GMNC: variants seen among roughly 807,000 people sequenced by gnomAD.
GMNC encodes geminin coiled-coil domain-containing protein 1.
GMNC carries 16 observed loss-of-function variants against 33.6 expected under a neutral mutation model. The ratio of observed to expected loss-of-function variants is 0.48; its 90% confidence interval spans 0.32 to 0.72. The LOEUF (loss-of-function observed/expected upper bound fraction) is 0.72. Among genes scored for constraint, GMNC ranks in the 30% least tolerant of loss-of-function variants. The pLI is 0.03. For synonymous variants in GMNC, 156 were observed against 147.3 expected (o/e 1.06, Z -0.43); for missense variants, 393 against 388.9 (o/e 1.01, Z -0.09).
chr3:190,861,318 G>A lies in GMNC; in HGVS notation c.4-460C>T, dbSNP rs1737860124. Among the ~76,000 whole-genome samples, 1 of 152,202 alleles carries A rather than the reference G, an allele frequency of 6.6e-6. No individual in the cohort carries two copies. Among genetic ancestry groups the A allele is most frequent in the African/African-American group, 2.4e-5 (1 of 41,456 alleles). On this transcript the variant is annotated intron_variant, in intron 1 of 4. Coordinates refer to ENST00000442080, the MANE Select transcript of GMNC (RefSeq NM_001146686.3). The surrounding 1 kb of genome is among the most constrained non-coding windows in gnomAD (Gnocchi z 5.1). ...AGAATGCTAAAGCTGAAATGGATGT[G>A]ACATAATATAGACTAACGTCTTCAT...
At position 190,861,474 on chromosome 3, in the gene GMNC, CTAT is replaced by C; in HGVS notation, c.4-619_4-617del. Among the ~76,000 whole-genome samples, 1 of 151,798 alleles carries C rather than the reference CTAT, an allele frequency of 6.6e-6. No individual in the cohort carries two copies. The highest frequency in any genetic ancestry group is 2.0e-4 in the East Asian group (1 of 5,080). On this transcript the variant is annotated intron_variant, in intron 1 of 4. Coordinates refer to ENST00000442080, the MANE Select transcript of GMNC (RefSeq NM_001146686.3). The surrounding 1 kb of genome is among the most constrained non-coding windows in gnomAD (Gnocchi z 5.1). ...GCCTATCATCTATCTATCTATCTAT[CTAT>C]CTATCTATCTATCTATCTATCTATC...
At position 190,860,732 on chromosome 3, in the gene GMNC, C is replaced by A. The variant is rs1737843554; in HGVS notation, c.130G>T (p.Ala44Ser). The change falls in exon 2 of 5, where the codon GCT (alanine) becomes TCT (serine). Residue 44 changes from alanine (A) to serine (S), a missense_variant. By Grantham distance (99) the Ala-to-Ser change is moderately conservative. Coordinates refer to ENST00000442080, the MANE Select transcript of GMNC (RefSeq NM_001146686.3). ...AGCTCTCTGTTGTCCAGGAGACCAG[C>A]AGCCCAGAAAGAGACCCAAGTCTCC... Reference protein sequence around the residue: ...STETWVSFWAAGLLDNRELQQ... With the variant: ...STETWVSFWASGLLDNRELQQ... 6.4e-7 allele frequency: 1 copy of A among 1,551,496 alleles called. No individual in the cohort carries two copies. The highest frequency in any genetic ancestry group is 8.7e-7 in the Non-Finnish European group (1 of 1,146,996).
the GMNC span, among the ~76,000 whole-genome samples, chr3:190,847,694 C>T: frequency 6.0e-4 from 91 of 151,578 alleles, 1 homozygote; most frequent in African/African-American, 1.9e-3. Context: ...CATCATTCCT[C>T]ATCTTCACAT....
chr3:190,858,747 T>C (rs755196280), intron 3 of GMNC, among the ~76,000 whole-genome samples, 181 bp downstream of exon 3: 1 of 152,214 alleles, frequency 6.6e-6, no homozygotes, highest in Non-Finnish European at 1.5e-5. Flanking sequence ...TAGAGTGTCT[T>C]GCTTGTTTTT....
chr3:190,855,298 A>G lies in GMNC; in HGVS notation c.1002T>C (p.Ser334=). The change falls in exon 5 of 5, where the codon TCT becomes TCC. Residue 334 remains serine (S), a synonymous_variant. Coordinates refer to ENST00000442080, the MANE Select transcript of GMNC (RefSeq NM_001146686.3). ...GWKFTWVPKQ[S] ...CTTTGTGATAAAAGAGGGGTCACTA[A>G]GACTGCTTAGGGACCCAGGTAAACT... 2.6e-6 allele frequency: 4 copies of G among 1,551,072 alleles called. No individual in the cohort carries two copies. Among genetic ancestry groups the G allele is most frequent in the Non-Finnish European group, 3.5e-6 (4 of 1,146,502 alleles).
chr3:190,857,198 GT>G (rs1737765178), intron 4 of GMNC, among the ~76,000 whole-genome samples: 1 of 150,822 alleles, frequency 6.6e-6, no homozygotes, highest in South Asian at 2.1e-4. Flanking sequence ...TTATCCTTGA[GT>G]TAGAAATAGC....
At position 190,854,253 on chromosome 3, in the gene GMNC, GT is replaced by G. The variant is rs1737685864; in HGVS notation, c.*1041del. 6.6e-6 allele frequency: 1 copy of G among 152,110 alleles called. No individual in the cohort carries two copies. The highest frequency in any genetic ancestry group is 2.4e-5 in the African/African-American group (1 of 41,412). The allele number at this position is 152,110 out of a possible 1,614,324, so 9.4% of individuals were successfully genotyped here. A position where few individuals can be genotyped will look rare whatever the true frequency, so the allele number is the denominator to read the frequency against. ...ACTGAACCTTCACAAAAGGGAAGTC[GT>G]TTTCGCAAAGTCATAGCAGATGAGT... On this transcript the variant is annotated 3_prime_UTR_variant, in exon 5 of 5. Transcript: ENST00000442080.
In GMNC at chr3:190,853,007, T is replaced by C. The variant is rs1307221017; in HGVS notation, c.*2288A>G. 6.6e-6 allele frequency: 1 copy of C among 152,126 alleles called. No individual in the cohort carries two copies. The highest frequency in any genetic ancestry group is 1.5e-5 in the Non-Finnish European group (1 of 67,978). 9.4% of individuals were successfully genotyped at this position (152,126 alleles called of 1,614,324 possible). On this transcript the variant is annotated 3_prime_UTR_variant, in exon 5 of 5. Coordinates refer to ENST00000442080, the MANE Select transcript of GMNC (RefSeq NM_001146686.3). ...TAATTGTCTTCCATAACATCGTCCATGATAGAAGCCAGGAAACCATCACAT... is the reference window on the plus strand; with the variant it reads ...TAATTGTCTTCCATAACATCGTCCACGATAGAAGCCAGGAAACCATCACAT...
rs984261399 is a variant in GMNC at position 190,853,867 on chromosome 3, T to C, written c.*1428A>G. The C allele has an allele frequency of 6.6e-6, 1 of 152,142 alleles. No homozygotes were observed. The highest frequency in any genetic ancestry group is 1.5e-5 in the Non-Finnish European group (1 of 67,994). The allele number at this position is 152,142 out of a possible 1,614,324, so 9.4% of individuals were successfully genotyped here. A position where few individuals can be genotyped will look rare whatever the true frequency, so the allele number is the denominator to read the frequency against. On this transcript the variant is annotated 3_prime_UTR_variant, in exon 5 of 5. Coordinates refer to ENST00000442080, the MANE Select transcript of GMNC (RefSeq NM_001146686.3). ...AAATTTAGAAATATGAAGTCCTTGA[T>C]AGCAATATTTATATGCAATCTATCC... is the stretch of plus-strand genomic sequence containing the variant.
In GMNC at chr3:190,862,571, C is replaced by G; in HGVS notation, c.3+42G>C. On this transcript the variant is annotated intron_variant, in intron 1 of 4. Transcript: ENST00000442080. This position sits in a 1 kb window ranked among gnomAD's most constrained non-coding sequence, Gnocchi z 4.5. ...CAAAGCTTATTAACTTTCAGAGACC[C>G]AAGTTTGCCAGCGGACTAGCTAACG... 2.0e-6 allele frequency: 3 copies of G among 1,467,100 alleles called. No individual in the cohort carries two copies. The highest frequency in any genetic ancestry group is 2.8e-6 in the Non-Finnish European group (3 of 1,069,458). The allele number at this position is 1,467,100 out of a possible 1,614,324, so 90.9% of individuals were successfully genotyped here. A position where few individuals can be genotyped will look rare whatever the true frequency, so the allele number is the denominator to read the frequency against.
chr3:190,861,460 ATCTATCT>A lies in GMNC; in HGVS notation c.4-609_4-603del, dbSNP rs1737866295. Among the ~76,000 whole-genome samples, 1 of 56,988 alleles carries A rather than the reference ATCTATCT, an allele frequency of 1.8e-5. No homozygotes were observed. The highest frequency in any genetic ancestry group is 6.3e-5 in the African/African-American group (1 of 15,772). 37.4% of individuals were successfully genotyped at this position (56,988 alleles called of 152,430 possible). On this transcript the variant is annotated intron_variant, in intron 1 of 4. Coordinates refer to ENST00000442080, the MANE Select transcript of GMNC (RefSeq NM_001146686.3). This position sits in a 1 kb window ranked among gnomAD's most constrained non-coding sequence, Gnocchi z 5.1. ...CTGTCTGTCTGTCTGCCTATCATCT[ATCTATCT>A]ATCTATCTATCTATCTATCTATCTA...
In GMNC at chr3:190,855,353, A is replaced by C; in HGVS notation, c.947T>G (p.Phe316Cys). The C allele has an allele frequency of 1.9e-6, 3 of 1,551,890 alleles. No individual in the cohort carries two copies. The highest frequency in any genetic ancestry group is 2.6e-6 in the Non-Finnish European group (3 of 1,146,912). The stretch of plus-strand genomic sequence containing the variant: ...GCCTCCCTCCTCATCTCGACGCACA[A>C]AGGCTTGTCCCTGGTGGAAGGAATG... Reference protein sequence around the residue: ...KTHSFHQGQAFVRRDEEGGWK... With the variant: ...KTHSFHQGQACVRRDEEGGWK... The change falls in exon 5 of 5, where the codon TTT becomes TGT. Residue 316 changes from phenylalanine (F) to cysteine (C), a missense_variant. Phe to Cys is a radical substitution (Grantham distance 205). Transcript: ENST00000442080.
rs111524664 is a variant in GMNC, at chr3:190,855,585, C to G, written c.715G>C (p.Glu239Gln). 21,945 of 1,551,498 alleles carry G rather than the reference C, an allele frequency of 0.014. 291 individuals carry two copies. Among genetic ancestry groups the G allele is most frequent in the Admixed American group, 0.045 (2,292 of 51,008 alleles). Residue 239 changes from glutamate (E) to glutamine (Q), a missense_variant, in exon 5 of 5, where the codon GAG becomes CAG. Physicochemically the swap from Glu to Gln is conservative, Grantham distance 29 (BLOSUM62 2). Coordinates refer to ENST00000442080, the MANE Select transcript of GMNC (RefSeq NM_001146686.3). ...CCTCTATAGTCAATTGGCATATCCT[C>G]TCTGGGGATATTTTTATAATCAACT... is the stretch of plus-strand genomic sequence containing the variant. ...DAVDYKNIPREDMPIDYRGDR... is the reference protein window; with the variant it reads ...DAVDYKNIPRQDMPIDYRGDR...
the GMNC span, among the ~76,000 whole-genome samples, chr3:190,846,181 T>C: frequency 2.0e-4 from 30 of 152,022 alleles, no homozygotes; most frequent in African/African-American, 7.2e-4. Flanking sequence ...GTAGCCAAGA[T>C]TGCATCACTG....
At chr3:190,847,870 T>C (rs1393867485), downstream of GMNC, among the ~76,000 whole-genome samples, 1 of 152,184 alleles carries the variant, frequency 6.6e-6, no homozygotes, top group African/African-American at 2.4e-5. Context: ...ATGTTGTATG[T>C]GCAGTACATT....
At chr3:190,848,774 C>T (rs76481726), downstream of GMNC, among the ~76,000 whole-genome samples, 1,589 of 152,238 alleles carry the variant, frequency 0.01, 28 homozygotes, top group African/African-American at 0.037. Context: ...AACACTATTA[C>T]CTCCATTTTA....
At position 190,855,760 on chromosome 3, in the gene GMNC, T is replaced by A; in HGVS notation, c.540A>T (p.Gln180His). 2 of 1,551,536 alleles carry A rather than the reference T, an allele frequency of 1.3e-6. No individual in the cohort carries two copies. The highest frequency in any genetic ancestry group is 1.7e-6 in the Non-Finnish European group (2 of 1,146,900). Residue 180 changes from glutamine to histidine, a missense_variant, in exon 5 of 5, where the codon CAA becomes CAT. Coordinates refer to ENST00000442080, the MANE Select transcript of GMNC (RefSeq NM_001146686.3). ...CCCAGGGATCCACAGGGGGCCCAGC[T>A]TGTTCTTCACAGTTAGCAAATTCAC... The part of the protein sequence containing the change: ...LSSEFANCEE[Q>H]AGPPVDPWVL...
chr3:190,853,949 G>A lies in GMNC; in HGVS notation c.*1346C>T, dbSNP rs1737679409. On this transcript the variant is annotated 3_prime_UTR_variant, in exon 5 of 5. Coordinates refer to ENST00000442080, the MANE Select transcript of GMNC (RefSeq NM_001146686.3). ...TTTAGAGGCAAATTATTCTTACACA[G>A]TTACGCCGAGTTAACTGCAAAATGG... The A allele has an allele frequency of 6.6e-6, 1 of 152,126 alleles. No homozygotes were observed. The highest frequency in any genetic ancestry group is 1.5e-5 in the Non-Finnish European group (1 of 68,002). The allele number at this position is 152,126 out of a possible 1,614,324, so 9.4% of individuals were successfully genotyped here.
rs776253736 is a variant in GMNC at position 190,861,815 on chromosome 3, A to G, written c.3+798T>C. 6.6e-6 allele frequency among the ~76,000 whole-genome samples: 1 copy of G among 152,202 alleles called. No individual in the cohort carries two copies. The highest frequency in any genetic ancestry group is 2.1e-4 in the South Asian group (1 of 4,832). ...ATGCAGCCTTCCTGGGTTAATTTGT[A>G]CAACACCAAATTTAAATTATTTGTC... On this transcript the variant is annotated intron_variant, in intron 1 of 4. Coordinates refer to ENST00000442080, the MANE Select transcript of GMNC (RefSeq NM_001146686.3). This position sits in a 1 kb window ranked among gnomAD's most constrained non-coding sequence, Gnocchi z 5.1.
Sources: gnomAD v4.1 joint callset for allele counts (sites outside exome capture counted in the v4.1 genomes callset) on GRCh38, gnomAD v4.1.1 for gene constraint, Gnocchi (gnomAD v3.1) non-coding constraint, MANE v1.5 for transcripts, NCBI Gene and HGNC (gene_info 2026-07-23, HGNC 2026-07-21) for gene names.